FLI1: variants seen among roughly 807,000 people sequenced by gnomAD.
The protein encoded by FLI1 is Friend leukemia integration 1 transcription factor.
In FLI1, 13 loss-of-function variants were observed where a neutral mutation model predicts 53.1. That is an observed-to-expected ratio of 0.24 (90% CI 0.16 to 0.39). The LOEUF (loss-of-function observed/expected upper bound fraction) is 0.39, where lower values mean the gene tolerates loss of function less well. FLI1 is among the 10% of genes least tolerant of loss of function. The pLI, the probability that FLI1 is intolerant of heterozygous loss-of-function variation, is 1.00. For missense variants in FLI1, 424 were observed against 600.5 expected (o/e 0.71, Z 3.07); for synonymous variants, 244 against 236.7 (o/e 1.03, Z -0.28).
rs565639675 is a variant in FLI1, at chr11:128,705,166, T to C, written c.18+10890T>C. On this transcript the variant is annotated intron_variant, in intron 1 of 8. Transcript: ENST00000527786. ...ATCTATGGGGACCATGTAGGTTTTG[T>C]TACTATTTGTTTTATCTCTTTGTCT... 7.2e-4 allele frequency among the ~76,000 whole-genome samples: 110 copies of C among 152,334 alleles called. 1 individual carries two copies. In the Middle Eastern group the frequency reaches 0.014, roughly 19 times the overall value.
At chr11:128,795,421 C>T (rs1942404305) in intron 5 of FLI1, among the ~76,000 whole-genome samples, 1 of 152,142 alleles carries the variant, frequency 6.6e-6, no homozygotes, top group Non-Finnish European at 1.5e-5. Flanking sequence ...TTACTCAATC[C>T]TGCTCCAATA....
intron 5 of FLI1, among the ~76,000 whole-genome samples, chr11:128,795,835 C>G (rs1416573046): frequency 6.6e-6 from 1 of 152,236 alleles, no homozygotes; most frequent in African/African-American, 2.4e-5. Flanking sequence ...CAGGCGTGAG[C>G]CACTGCGCCC....
At chr11:128,693,957 A>G (rs1382879219), upstream of FLI1, 6 of 180,496 alleles carry the variant, frequency 3.3e-5, no homozygotes, top group South Asian at 2.3e-4. Context: ...AGAGAGAGAG[A>G]GAGAGAGAGA....
At chr11:128,708,099 C>T (rs1367255154) in intron 1 of FLI1, among the ~76,000 whole-genome samples, 3 of 152,198 alleles carry the variant, frequency 2.0e-5, no homozygotes, top group Admixed American at 6.5e-5. Flanking sequence ...AGGGAAACTC[C>T]TGGGAAAACA....
chr11:128,718,311 T>G (rs1565464202), intron 1 of FLI1, among the ~76,000 whole-genome samples: 1 of 152,232 alleles, frequency 6.6e-6, no homozygotes, highest in Non-Finnish European at 1.5e-5. Context: ...TCACTAGATG[T>G]GTGTGGTCTG....
intron 2 of FLI1, chr11:128,764,766 G>A: frequency 1.3e-6 from 2 of 1,590,596 alleles, no homozygotes; most frequent in Non-Finnish European, 8.5e-7. Context: ...GCTGGAGGAG[G>A]CACGGTGCTT....
chr11:128,724,262 AT>A (rs1463127041), intron 1 of FLI1, among the ~76,000 whole-genome samples: 1 of 152,152 alleles, frequency 6.6e-6, no homozygotes, highest in Non-Finnish European at 1.5e-5. Context: ...GATTTTGAAC[AT>A]GACTCAGAAT....
intron 1 of FLI1, among the ~76,000 whole-genome samples, chr11:128,696,307 T>A (rs1938070192): frequency 6.6e-6 from 1 of 152,166 alleles, no homozygotes; most frequent in Non-Finnish European, 1.5e-5. Context: ...TTCTGCAAGA[T>A]TGAGCCTTTA....
chr11:128,722,275 G>A (rs1411483732), intron 1 of FLI1, among the ~76,000 whole-genome samples: 1 of 152,236 alleles, frequency 6.6e-6, no homozygotes, highest in African/African-American at 2.4e-5. Context: ...ATTTTGACAG[G>A]GTATGGAGGA....
At chr11:128,713,854 C>T (rs184079325) in intron 1 of FLI1, among the ~76,000 whole-genome samples, 9 of 152,234 alleles carry the variant, frequency 5.9e-5, no homozygotes, top group African/African-American at 2.2e-4. Context: ...AATGAAATGG[C>T]CACCCGGGGC....
chr11:128,747,955 G>A (rs556002783), intron 1 of FLI1, among the ~76,000 whole-genome samples: 1 of 152,280 alleles, frequency 6.6e-6, no homozygotes, highest in South Asian at 2.1e-4. Context: ...ATTTAACTTT[G>A]ATCTTTAGAG....
At chr11:128,790,385 G>A (rs1237905525) in intron 5 of FLI1, among the ~76,000 whole-genome samples, 3 of 151,862 alleles carry the variant, frequency 2.0e-5, no homozygotes, top group African/African-American at 4.8e-5. Flanking sequence ...ACAAAGACTC[G>A]TTGTCTCTAA....
At chr11:128,737,207 G>C (rs1290792077) in intron 1 of FLI1, among the ~76,000 whole-genome samples, 1 of 152,098 alleles carries the variant, frequency 6.6e-6, no homozygotes, top group Non-Finnish European at 1.5e-5. Context: ...AGTAGGGGAG[G>C]CCAGGGTGCA....
intron 1 of FLI1, among the ~76,000 whole-genome samples, chr11:128,726,352 G>T (rs1939477066): frequency 6.6e-6 from 1 of 152,206 alleles, no homozygotes; most frequent in Non-Finnish European, 1.5e-5. Context: ...CAATCCAGGG[G>T]TGCAGGGGGC....
chr11:128,722,395 A>G (rs1167380406), intron 1 of FLI1, among the ~76,000 whole-genome samples: 1 of 152,208 alleles, frequency 6.6e-6, no homozygotes. Flanking sequence ...CAGCCTGGAG[A>G]TGCCAGTTTG....
rs147367031 is a variant in FLI1 at position 128,786,378 on chromosome 11, T to C, written c.655+4355T>C. Reference sequence around the variant, plus strand: ...CTTGATTAGTTTTTTGTCATTGTCATTGATGACTGATTTTATTGATGCATG... The same window carrying C: ...CTTGATTAGTTTTTTGTCATTGTCACTGATGACTGATTTTATTGATGCATG... On this transcript the variant is annotated intron_variant, in intron 5 of 8. Coordinates refer to ENST00000527786, the MANE Select transcript of FLI1 (RefSeq NM_002017.5). Among the ~76,000 whole-genome samples the C allele has an allele frequency of 2.0e-3, 299 of 152,364 alleles. 1 individual carries two copies. Among genetic ancestry groups the C allele is most frequent in the Non-Finnish European group, 3.7e-3 (253 of 68,040 alleles).
Position 128,810,159 on chromosome 11 carries a change from T to A in FLI1, c.830-300T>A, listed in dbSNP as rs1293014328. Among the ~76,000 whole-genome samples the A allele has an allele frequency of 6.6e-6, 1 of 151,962 alleles. No individual in the cohort carries two copies. Among genetic ancestry groups the A allele is most frequent in the Non-Finnish European group, 1.5e-5 (1 of 68,010 alleles). ...CAAAGGGATTGAGGGGGGATATGGC[T>A]CACCCAAGATCACACAGCTAGTTCT... On this transcript the variant is annotated intron_variant, in intron 8 of 8. Coordinates refer to ENST00000527786, the MANE Select transcript of FLI1 (RefSeq NM_002017.5). This position sits in a 1 kb window ranked among gnomAD's most constrained non-coding sequence, Gnocchi z 6.6.
At chr11:128,739,338 T>G (rs1262660294) in intron 1 of FLI1, among the ~76,000 whole-genome samples, 14 of 152,030 alleles carry the variant, frequency 9.2e-5, no homozygotes, top group Non-Finnish European at 5.9e-5. Context: ...AACAAGTATT[T>G]TAAAACAAGC....
intron 2 of FLI1, among the ~76,000 whole-genome samples, chr11:128,762,177 T>C (rs1179766708): frequency 6.6e-6 from 1 of 152,226 alleles, no homozygotes; most frequent in Non-Finnish European, 1.5e-5. Flanking sequence ...GCTCTTTAAA[T>C]CTCTCATCCT....
Sources: gnomAD v4.1 joint callset for allele counts (sites outside exome capture counted in the v4.1 genomes callset) on GRCh38, gnomAD v4.1.1 for gene constraint, Gnocchi (gnomAD v3.1) non-coding constraint, MANE v1.5 for transcripts, NCBI Gene and HGNC (gene_info 2026-07-23, HGNC 2026-07-21) for gene names.